KDM4C: variants seen among roughly 807,000 people sequenced by gnomAD.
KDM4C encodes lysine demethylase 4C, also known as lysine-specific demethylase 4C.
Under a neutral mutation model 129.3 loss-of-function variants are expected in KDM4C, and 81 were observed. The ratio of observed to expected loss-of-function variants is 0.63; its 90% CI spans 0.52 to 0.75. The LOEUF (loss-of-function observed/expected upper bound fraction) is 0.75. Among genes scored for constraint, KDM4C ranks in the 30% least tolerant of loss-of-function variants. KDM4C has a pLI of 0.00. For missense variants in KDM4C, 1,457 were observed against 1,304.0 expected, an observed-to-expected ratio of 1.12 and a Z score of -1.81; for synonymous variants, 573 against 456.1, an observed-to-expected ratio of 1.26 and a Z score of -3.26.
intron 17 of KDM4C, chr9:7,076,718 T>A: frequency 8.2e-7 from 1 of 1,225,446 alleles, no homozygotes; most frequent in Non-Finnish European, 1.0e-6. Flanking sequence ...ATTTGTTGAC[T>A]TCCTATGTGG....
intron 5 of KDM4C, among the ~76,000 whole-genome samples, chr9:6,850,144 G>C (rs912794944): frequency 6.6e-6 from 1 of 152,174 alleles, no homozygotes; most frequent in Admixed American, 6.5e-5. Context: ...CCACTATCTA[G>C]ATTTGTGTAA....
chr9:6,908,249 A>G (rs1307765701), intron 8 of KDM4C, among the ~76,000 whole-genome samples: 28 of 152,196 alleles, frequency 1.8e-4, no homozygotes, highest in Admixed American at 1.8e-3. Context: ...AAATACCATC[A>G]AGTTGAAGTG....
At chr9:7,139,087 C>G (rs1841495316) in intron 19 of KDM4C, among the ~76,000 whole-genome samples, 2 of 152,092 alleles carry the variant, frequency 1.3e-5, no homozygotes, top group African/African-American at 4.8e-5. Flanking sequence ...GCCTGGGCAA[C>G]ATGGCAAAAA....
At chr9:6,864,160 C>G (rs943810085) in intron 5 of KDM4C, among the ~76,000 whole-genome samples, 5 of 152,014 alleles carry the variant, frequency 3.3e-5, no homozygotes, top group African/African-American at 1.2e-4. Flanking sequence ...TTGAAGAATT[C>G]CCTTTAAGAT....
At chr9:6,828,945 C>A (rs1337332880) in intron 4 of KDM4C, among the ~76,000 whole-genome samples, 2 of 152,216 alleles carry the variant, frequency 1.3e-5, no homozygotes, top group African/African-American at 2.4e-5. Context: ...CTCTTTACCT[C>A]TCAACTGTTA....
chr9:6,862,846 CAAA>C (rs908350093), intron 5 of KDM4C, among the ~76,000 whole-genome samples: 1 of 149,896 alleles, frequency 6.7e-6, no homozygotes, highest in Non-Finnish European at 1.5e-5. Context: ...AAACAAAAAA[CAAA>C]AAAAAATTCA....
intron 5 of KDM4C, among the ~76,000 whole-genome samples, chr9:6,854,536 A>AC (rs1564166327): frequency 1.4e-5 from 2 of 146,114 alleles, no homozygotes; most frequent in African/African-American, 5.3e-5. Context: ...AAAAAAAAAA[A>AC]AAAAAAAAAC....
At chr9:6,743,778 A>AT (rs1301194953) in intron 1 of KDM4C, among the ~76,000 whole-genome samples, 1 of 152,110 alleles carries the variant, frequency 6.6e-6, no homozygotes, top group East Asian at 1.9e-4. Context: ...AAGTGCTGGG[A>AT]TAACAGGCGT....
chr9:6,828,858 C>T (rs182533399), intron 4 of KDM4C, among the ~76,000 whole-genome samples: 5 of 143,658 alleles, frequency 3.5e-5, no homozygotes, highest in Admixed American at 3.5e-4. Flanking sequence ...GCAACAAGAT[C>T]GAAACTCCGT....
chr9:7,101,358 A>C (rs1031186726), intron 17 of KDM4C, among the ~76,000 whole-genome samples: 2 of 152,210 alleles, frequency 1.3e-5, no homozygotes, highest in African/African-American at 2.4e-5. Context: ...CCATTTTAGC[A>C]ACAAACAAAT....
At chr9:6,760,915 C>T (rs1309873683) in intron 1 of KDM4C, among the ~76,000 whole-genome samples, 3 of 151,800 alleles carry the variant, frequency 2.0e-5, no homozygotes, top group Non-Finnish European at 2.9e-5. Flanking sequence ...TTGATCTTTC[C>T]CTATTCCACT....
At chr9:7,100,440 A>G (rs915381594) in intron 17 of KDM4C, among the ~76,000 whole-genome samples, 5 of 152,060 alleles carry the variant, frequency 3.3e-5, no homozygotes, top group African/African-American at 1.2e-4. Context: ...CCTGGGTTCA[A>G]GCGACTCTCC....
chr9:7,025,636 G>C (rs549243671), intron 15 of KDM4C, among the ~76,000 whole-genome samples: 1 of 152,010 alleles, frequency 6.6e-6, no homozygotes, highest in Admixed American at 6.5e-5. Context: ...GAGGCAAAAA[G>C]AAAACCAATA....
intron 12 of KDM4C, among the ~76,000 whole-genome samples, chr9:7,008,393 C>A (rs12002551): frequency 0.084 from 12,818 of 152,218 alleles, 592 homozygotes; most frequent in Middle Eastern, 0.11. Flanking sequence ...AGCCAGCCTC[C>A]AAGTCTGCCT....
At chr9:7,046,202 T>C (rs1208479347) in intron 15 of KDM4C, among the ~76,000 whole-genome samples, 1 of 151,966 alleles carries the variant, frequency 6.6e-6, no homozygotes, top group Non-Finnish European at 1.5e-5. Flanking sequence ...GAAAATTACA[T>C]TCTAAGCTAA....
chr9:6,885,370 C>T (rs529179858), intron 6 of KDM4C, among the ~76,000 whole-genome samples: 3 of 152,264 alleles, frequency 2.0e-5, no homozygotes, highest in South Asian at 2.1e-4. Flanking sequence ...GGGTATAGCA[C>T]GTGATCCTTG....
chr9:7,065,994 T>TA (rs35817401), intron 17 of KDM4C, among the ~76,000 whole-genome samples: 2,467 of 144,102 alleles, frequency 0.017, 47 homozygotes, highest in African/African-American at 0.047. Context: ...GTAACAGCTT[T>TA]AAAAAAAAAA....
intron 7 of KDM4C, among the ~76,000 whole-genome samples, chr9:6,891,955 A>G (rs1846172773): frequency 6.6e-6 from 1 of 152,218 alleles, no homozygotes; most frequent in Non-Finnish European, 1.5e-5. Flanking sequence ...TATTATATGT[A>G]CATTATATCT....
intron 1 of KDM4C, among the ~76,000 whole-genome samples, chr9:6,773,176 T>G (rs1172508414): frequency 1.3e-5 from 2 of 151,914 alleles, no homozygotes; most frequent in South Asian, 2.1e-4. Flanking sequence ...ATTTTTTAAT[T>G]TTATTTGGAG....
Sources: allele counts gnomAD v4.1 joint callset (sites outside exome capture counted in the v4.1 genomes callset), GRCh38; gene constraint gnomAD v4.1.1; transcripts MANE v1.5; gene names NCBI Gene and HGNC (gene_info 2026-07-23, HGNC 2026-07-21).